The following SORCS3 variants were observed in gnomAD, a reference collection of about 807,000 sequenced individuals.
The protein encoded by SORCS3 is sortilin related VPS10 domain containing receptor 3.
Under a neutral mutation model 146.3 loss-of-function variants are expected in SORCS3, and 57 were observed. That is an observed-to-expected ratio of 0.39 (90% CI 0.31 to 0.49). The LOEUF (loss-of-function observed/expected upper bound fraction) is 0.49. Among genes scored for constraint, SORCS3 ranks in the 20% least tolerant of loss-of-function variants. The pLI, the probability that SORCS3 is intolerant of heterozygous loss-of-function variation, is 0.92. For missense variants in SORCS3, 1,341 were observed against 1,575.5 expected (o/e 0.85, Z 2.52); for synonymous variants, 653 against 618.5 (o/e 1.06, Z -0.83).
chr10:105,091,275 CCTTCCTTG>C (rs2055702139), intron 6 of SORCS3, among the ~76,000 whole-genome samples: 1 of 102,214 alleles, frequency 9.8e-6, no homozygotes, highest in Non-Finnish European at 2.1e-5. Context: ...TTCCCTCCTT[CCTTCCTTG>C]CTTCCTTCCT....
At position 105,127,678 on chromosome 10, in the gene SORCS3, T is replaced by C. The variant is rs74157446; in HGVS notation, c.1213-11719T>C. On this transcript the variant is annotated intron_variant, in intron 7 of 26. Coordinates refer to ENST00000369701, the MANE Select transcript of SORCS3 (RefSeq NM_014978.3). ...AGAACATTATCTACCCTCAAAGATATTACAGTACAGCAAGAGACCCCAAAA... is the reference window on the plus strand; with the variant it reads ...AGAACATTATCTACCCTCAAAGATACTACAGTACAGCAAGAGACCCCAAAA... 6.1e-3 allele frequency among the ~76,000 whole-genome samples: 921 copies of C among 152,188 alleles called. 6 individuals carry two copies. Among genetic ancestry groups the C allele is most frequent in the African/African-American group, 0.021 (857 of 41,518 alleles).
intron 6 of SORCS3, among the ~76,000 whole-genome samples, chr10:105,093,066 A>G (rs2055721297): frequency 6.6e-6 from 1 of 152,248 alleles, no homozygotes; most frequent in East Asian, 1.9e-4. Context: ...GCCTATGTAG[A>G]AAATCCTAAG....
chr10:105,106,976 C>A (rs375529064), intron 7 of SORCS3, among the ~76,000 whole-genome samples: 2 of 152,154 alleles, frequency 1.3e-5, no homozygotes, highest in African/African-American at 2.4e-5. Flanking sequence ...CCTGAGCAAT[C>A]CCCTGGTTTT....
intron 5 of SORCS3, among the ~76,000 whole-genome samples, chr10:105,072,429 A>G (rs1342081009): frequency 6.6e-6 from 1 of 152,090 alleles, no homozygotes; most frequent in African/African-American, 2.4e-5. Context: ...TTTAATTTTA[A>G]TTGTCCCAGA....
Position 105,243,071 on chromosome 10 carries a change from T to TTA in SORCS3, c.2869-2459_2869-2458dup, listed in dbSNP as rs565524993. Among the ~76,000 whole-genome samples the TTA allele has an allele frequency of 2.1e-3, 287 of 138,354 alleles. 1 individual carries two copies. Among genetic ancestry groups the TTA allele is most frequent in the African/African-American group, 7.1e-3 (265 of 37,278 alleles). The allele number at this position is 138,354 out of a possible 152,430, so 90.8% of individuals were successfully genotyped here. A position where few individuals can be genotyped will look rare whatever the true frequency, so the allele number is the denominator to read the frequency against. On this transcript the variant is annotated intron_variant, in intron 20 of 26. Transcript: ENST00000369701. ...TATATATTTATATATTTATATATAT[T>TTA]TATATATATATATTTAGCCATTCTG...
chr10:105,036,753 G>A lies in SORCS3; in HGVS notation c.955-6302G>A, dbSNP rs147584055. 3.0e-4 allele frequency among the ~76,000 whole-genome samples: 46 copies of A among 152,268 alleles called. No homozygotes were observed. In the East Asian group the frequency reaches 7.9e-3, roughly 26 times the overall value. On this transcript the variant is annotated intron_variant, in intron 4 of 26. Transcript: ENST00000369701. ...ACTAAGGGATTCTCCCTGCAGCTCCGTATAGCCCAGCCAAGCTTTCCTACT... is the reference window on the plus strand; with the variant it reads ...ACTAAGGGATTCTCCCTGCAGCTCCATATAGCCCAGCCAAGCTTTCCTACT...
At chr10:105,046,492 A>G (rs1462753775) in intron 5 of SORCS3, among the ~76,000 whole-genome samples, 1 of 152,082 alleles carries the variant, frequency 6.6e-6, no homozygotes, top group Non-Finnish European at 1.5e-5. Context: ...AGCAGAAAGA[A>G]CGAACCCCGT....
chr10:104,756,059 G>T (rs1322352870), intron 1 of SORCS3, among the ~76,000 whole-genome samples: 1 of 152,068 alleles, frequency 6.6e-6, no homozygotes, highest in African/African-American at 2.4e-5. Flanking sequence ...AGCCAAAGTG[G>T]TTTTCTCATT....
chr10:105,209,451 T>C (rs561823574), intron 16 of SORCS3, among the ~76,000 whole-genome samples: 42 of 152,328 alleles, frequency 2.8e-4, no homozygotes, highest in African/African-American at 9.4e-4. Context: ...CTGCAACTGC[T>C]TTCTAATGTA....
chr10:104,992,159 AG>A (rs2054998405), intron 4 of SORCS3, among the ~76,000 whole-genome samples: 1 of 152,092 alleles, frequency 6.6e-6, no homozygotes, highest in Non-Finnish European at 1.5e-5. Context: ...AGCAGGGGGT[AG>A]GGCTTATTTC....
intron 2 of SORCS3, among the ~76,000 whole-genome samples, chr10:104,875,900 A>G (rs1177496401): frequency 1.3e-5 from 2 of 152,184 alleles, no homozygotes; most frequent in African/African-American, 4.8e-5. Flanking sequence ...GAAGCCTTAG[A>G]ATAGCTAAAT....
intron 1 of SORCS3, among the ~76,000 whole-genome samples, chr10:104,672,916 A>T (rs964714838): frequency 3.3e-5 from 5 of 152,018 alleles, no homozygotes; most frequent in African/African-American, 1.2e-4. Flanking sequence ...TAATGCTTTT[A>T]CTTGATATAT....
chr10:104,667,550 C>A (rs931669119), intron 1 of SORCS3, among the ~76,000 whole-genome samples: 2 of 152,060 alleles, frequency 1.3e-5, no homozygotes, highest in Non-Finnish European at 2.9e-5. Flanking sequence ...TGAGCAATGT[C>A]CCTTTTTAAA....
At chr10:104,783,279 C>T (rs905872253) in intron 1 of SORCS3, among the ~76,000 whole-genome samples, 4 of 152,192 alleles carry the variant, frequency 2.6e-5, no homozygotes, top group African/African-American at 9.7e-5. Context: ...TTTGCTGTTT[C>T]CTGTTCTCAA....
chr10:104,792,891 C>G (rs1041804001), intron 1 of SORCS3, among the ~76,000 whole-genome samples: 1 of 152,048 alleles, frequency 6.6e-6, no homozygotes, highest in South Asian at 2.1e-4. Context: ...TGTGTTCTTA[C>G]TTTAAGATTA....
At chr10:105,012,718 C>T (rs991133895) in intron 4 of SORCS3, among the ~76,000 whole-genome samples, 3 of 152,124 alleles carry the variant, frequency 2.0e-5, no homozygotes, top group African/African-American at 7.2e-5. Flanking sequence ...ATTATCATCT[C>T]AAGAACAAAA....
chr10:104,849,275 G>C (rs2018243538), intron 2 of SORCS3, among the ~76,000 whole-genome samples: 1 of 151,994 alleles, frequency 6.6e-6, no homozygotes, highest in African/African-American at 2.4e-5. Flanking sequence ...AGCTAGGCGT[G>C]GTGGTGGGTG....
At chr10:105,208,122 A>C (rs2056613631) in intron 16 of SORCS3, among the ~76,000 whole-genome samples, 1 of 152,120 alleles carries the variant, frequency 6.6e-6, no homozygotes. Context: ...TGGGCAGATC[A>C]CTTGAGGTCA....
Position 105,242,428 on chromosome 10 carries a change from TTATACATATATTTATATATATTTA to T in SORCS3, c.2869-3109_2869-3086del, listed in dbSNP as rs1413111972. 1.6e-3 allele frequency among the ~76,000 whole-genome samples: 137 copies of T among 86,896 alleles called. 1 individual carries two copies. The highest frequency in any genetic ancestry group is 4.5e-3 in the Admixed American group (28 of 6,222). The allele number at this position is 86,896 out of a possible 152,430, so 57.0% of individuals were successfully genotyped here. A position where few individuals can be genotyped will look rare whatever the true frequency, so the allele number is the denominator to read the frequency against. ...CATATATTTATATATATTTATATAT[TTATACATATATTTATATATATTTA>T]TATATATTTATATATTTATATATTT... On this transcript the variant is annotated intron_variant, in intron 20 of 26. Coordinates refer to ENST00000369701, the MANE Select transcript of SORCS3 (RefSeq NM_014978.3).
Sources: allele counts gnomAD v4.1 joint callset (sites outside exome capture counted in the v4.1 genomes callset), GRCh38; gene constraint gnomAD v4.1.1; transcripts MANE v1.5; gene names NCBI Gene and HGNC (gene_info 2026-07-23, HGNC 2026-07-21).